The following SYT17 variants were observed in gnomAD, a reference collection of about 807,000 sequenced individuals.
The protein encoded by SYT17 is synaptotagmin-17.
In SYT17, 22 loss-of-function variants were observed where a neutral mutation model predicts 46.7. The observed-to-expected ratio is 0.47, with a 90% confidence interval of 0.34 to 0.67. The LOEUF (loss-of-function observed/expected upper bound fraction) is 0.67, where lower values mean the gene tolerates loss of function less well. Ranked by LOEUF, SYT17 falls within the 30% of genes least tolerant of loss-of-function variation. The pLI is 0.01. For synonymous variants in SYT17, 251 were observed against 248.4 expected (o/e 1.01, Z -0.10); for missense variants, 519 against 612.8 (o/e 0.85, Z 1.62).
intron 5 of SYT17, among the ~76,000 whole-genome samples, chr16:19,195,615 G>A (rs1965208447): frequency 6.6e-6 from 1 of 152,094 alleles, no homozygotes; most frequent in African/African-American, 2.4e-5. Context: ...AGCTACTCAG[G>A]AGGCTGAAGC....
intron 7 of SYT17, among the ~76,000 whole-genome samples, chr16:19,228,325 A>G (rs1407528815): frequency 1.3e-5 from 2 of 152,184 alleles, no homozygotes; most frequent in Non-Finnish European, 2.9e-5. Context: ...CTCCATTCAC[A>G]GAAGACCCGC....
intron 3 of SYT17, among the ~76,000 whole-genome samples, chr16:19,175,885 TTTC>T (rs2142524505): frequency 6.6e-6 from 1 of 152,326 alleles, no homozygotes; most frequent in South Asian, 2.1e-4. Context: ...TTTGTAGTTA[TTTC>T]TTAAGTACAG....
chr16:19,206,681 T>G (rs1325492147), intron 5 of SYT17, among the ~76,000 whole-genome samples: 1 of 152,102 alleles, frequency 6.6e-6, no homozygotes, highest in East Asian at 1.9e-4. Context: ...ATCCTGGTAC[T>G]CCTTGGCTGA....
Position 19,201,906 on chromosome 16 carries a change from C to G in SYT17, c.951+17759C>G, listed in dbSNP as rs568108005. The stretch of plus-strand genomic sequence containing the variant: ...GGGGAAGTTACTTGACTTCTCTGAG[C>G]CTCAATTTTCAGGGGGAAAAGTAGG... On this transcript the variant is annotated intron_variant, in intron 5 of 7. Coordinates refer to ENST00000355377, the MANE Select transcript of SYT17 (RefSeq NM_016524.4). 2.6e-5 allele frequency among the ~76,000 whole-genome samples: 4 copies of G among 152,182 alleles called. No homozygotes were observed. In the South Asian group the frequency reaches 8.3e-4, roughly 32 times the overall value.
In SYT17 at chr16:19,202,718, C is replaced by T. The variant is rs1234955646; in HGVS notation, c.951+18571C>T. ...AGACACTCTGATCATTCTGGAGATT[C>T]CGGGCATTTTATTTTTATTTTCATT... On this transcript the variant is annotated intron_variant, in intron 5 of 7. Coordinates refer to ENST00000355377, the MANE Select transcript of SYT17 (RefSeq NM_016524.4). Among the ~76,000 whole-genome samples the T allele has an allele frequency of 2.6e-5, 4 of 152,194 alleles. No homozygotes were observed. The East Asian group carries it at 7.7e-4, about 29-fold the overall frequency.
intron 7 of SYT17, among the ~76,000 whole-genome samples, chr16:19,244,059 T>A (rs1280387698): frequency 1.3e-5 from 2 of 152,166 alleles, no homozygotes; most frequent in African/African-American, 4.8e-5. Context: ...GTAGCTCTTA[T>A]AATAAAAATA....
At chr16:19,229,460 G>T (rs1000265418) in intron 7 of SYT17, among the ~76,000 whole-genome samples, 2 of 152,048 alleles carry the variant, frequency 1.3e-5, no homozygotes, top group Non-Finnish European at 2.9e-5. Context: ...GATCTCAGGA[G>T]AACTCACTCA....
rs369324323 is a variant in SYT17 at position 19,223,171 on chromosome 16, G to T, written c.1072+6G>T. The stretch of plus-strand genomic sequence containing the variant: ...AGATGTGAGCCAAGGTTCAGGTACC[G>T]TGTGATTCCCCTCTTCTCTCACTTT... On this transcript the variant is annotated splice_donor_region_variant and intron_variant, in intron 6 of 7. Transcript: ENST00000355377. 6.2e-7 allele frequency: 1 copy of T among 1,612,616 alleles called. No homozygotes were observed.
At chr16:19,241,704 C>T (rs1187445461) in intron 7 of SYT17, among the ~76,000 whole-genome samples, 1 of 151,846 alleles carries the variant, frequency 6.6e-6, no homozygotes, top group Admixed American at 6.5e-5. Flanking sequence ...TGAGGACCAT[C>T]CACCTCCTTC....
At chr16:19,256,437 A>ACACACACACAC (rs1968566447) in intron 7 of SYT17, among the ~76,000 whole-genome samples, 1 of 128,978 alleles carries the variant, frequency 7.8e-6, no homozygotes, top group Admixed American at 8.4e-5. Flanking sequence ...CCCCTCTTCA[A>ACACACACACAC]ACACACACAC....
chr16:19,174,171 CT>C (rs1964220143), intron 3 of SYT17, among the ~76,000 whole-genome samples: 1 of 152,210 alleles, frequency 6.6e-6, no homozygotes, highest in South Asian at 2.1e-4. Flanking sequence ...TCTCTGGCAT[CT>C]TTCGTTTTAT....
At chr16:19,193,282 T>G (rs1255691016) in intron 5 of SYT17, among the ~76,000 whole-genome samples, 2 of 152,218 alleles carry the variant, frequency 1.3e-5, no homozygotes, top group Non-Finnish European at 2.9e-5. Context: ...TAGGCATTCA[T>G]GTAGAAGAGT....
At chr16:19,253,609 C>T (rs1968347826) in intron 7 of SYT17, among the ~76,000 whole-genome samples, 1 of 151,430 alleles carries the variant, frequency 6.6e-6, no homozygotes. Flanking sequence ...CACTGCACTC[C>T]AGCCTGGGCA....
intron 3 of SYT17, among the ~76,000 whole-genome samples, chr16:19,178,635 G>A (rs1055223627): frequency 2.6e-5 from 4 of 152,124 alleles, no homozygotes; most frequent in African/African-American, 4.8e-5. Context: ...CTCATCTCAT[G>A]CACAGGATGC....
In SYT17 at chr16:19,267,049, G is replaced by C. The variant is rs35992990; in HGVS notation, c.1398G>C (p.Val466=). 1,654 of 1,609,002 alleles carry C rather than the reference G, an allele frequency of 1.0e-3. 12 individuals are homozygous for C. The African/African-American group carries it at 0.019, about 18-fold the overall frequency. ...GGTCCCGAGCTGAGTGTGACCGCGT[G>C]TCTCCTGCCTCCCTGGAGGTGACCT... is the stretch of plus-strand genomic sequence containing the variant. ...SLRSRAECDR[V]SPASLEVT Residue 466 remains valine, a synonymous_variant, in exon 8 of 8, where the codon GTG becomes GTC. Coordinates refer to ENST00000355377, the MANE Select transcript of SYT17 (RefSeq NM_016524.4).
At chr16:19,190,286 G>T (rs961434551) in intron 5 of SYT17, among the ~76,000 whole-genome samples, 1 of 152,192 alleles carries the variant, frequency 6.6e-6, no homozygotes, top group Non-Finnish European at 1.5e-5. Flanking sequence ...CAGGAGAAAT[G>T]CTTGAACATG....
At chr16:19,220,019 A>C (rs1966248694) in intron 5 of SYT17, among the ~76,000 whole-genome samples, 1 of 152,144 alleles carries the variant, frequency 6.6e-6, no homozygotes, top group African/African-American at 2.4e-5. Context: ...TGCCCTAAAG[A>C]CACCGCATCT....
rs1331386361 is a variant in SYT17, at chr16:19,262,613, C to A, written c.1229-4267C>A. On this transcript the variant is annotated intron_variant, in intron 7 of 7. Transcript: ENST00000355377. ...TACGAGCAGTGCCTAATTCTCCTTG[C>A]AAGGATGTGTGACAACACACTTAGG... Among the ~76,000 whole-genome samples, 4 of 145,656 alleles carry A rather than the reference C, an allele frequency of 2.7e-5. No homozygotes were observed. The South Asian group carries it at 8.3e-4, about 30-fold the overall frequency.
intron 1 of SYT17, among the ~76,000 whole-genome samples, chr16:19,169,131 G>A (rs1332428030): frequency 1.3e-5 from 2 of 152,014 alleles, no homozygotes; most frequent in Non-Finnish European, 2.9e-5. Context: ...CGTCTCTCCT[G>A]GGCACTGGGT....
Sources: allele counts gnomAD v4.1 joint callset (sites outside exome capture counted in the v4.1 genomes callset), GRCh38; gene constraint gnomAD v4.1.1; transcripts MANE v1.5; gene names NCBI Gene and HGNC (gene_info 2026-07-23, HGNC 2026-07-21).